The following GPHN variants were observed in gnomAD, a reference collection of about 807,000 sequenced individuals.
GPHN encodes the protein gephyrin.
In GPHN, 17 loss-of-function variants were observed where a neutral mutation model predicts 95.5. That is an observed-to-expected ratio of 0.18 (90% CI 0.12 to 0.27). The LOEUF is 0.27. Among genes scored for constraint, GPHN ranks in the 10% least tolerant of loss-of-function variants. The pLI is 1.00. For missense variants in GPHN, 660 were observed against 978.1 expected, an observed-to-expected ratio of 0.67 and a Z score of 4.34; for synonymous variants, 320 against 322.5, an observed-to-expected ratio of 0.99 and a Z score of 0.08.
chr14:66,773,993 G>GTTTTTTT (rs1172451199), intron 2 of GPHN, among the ~76,000 whole-genome samples: 3 of 89,974 alleles, frequency 3.3e-5, no homozygotes, highest in African/African-American at 5.1e-5. Context: ...TATCTAGAAA[G>GTTTTTTT]TTTTTTTTTT....
the GPHN span, among the ~76,000 whole-genome samples, chr14:67,532,442 T>C: frequency 6.6e-6 from 1 of 152,172 alleles, no homozygotes; most frequent in Non-Finnish European, 1.5e-5. Flanking sequence ...CCTAGCCAAA[T>C]GTTGAGTTTT....
chr14:67,555,012 A>G, the GPHN span, among the ~76,000 whole-genome samples: 1 of 152,160 alleles, frequency 6.6e-6, no homozygotes, highest in Non-Finnish European at 1.5e-5. Flanking sequence ...TCCCAGGCTC[A>G]AGTGATCCGC....
chr14:67,110,484 T>C lies in GPHN; in HGVS notation c.1413+225T>C, dbSNP rs529214562. On this transcript the variant is annotated intron_variant, in intron 14 of 22. Transcript: ENST00000478722. ...TTACAGGAGGGGTTTCTATGATCAT[T>C]GCTGTTATAGCAGAATTTGAATCAT... Among the ~76,000 whole-genome samples, 75 of 152,342 alleles carry C rather than the reference T, an allele frequency of 4.9e-4. 1 individual carries two copies. Among genetic ancestry groups the C allele is most frequent in the Non-Finnish European group, 1.0e-3 (69 of 68,034 alleles).
chr14:66,833,885 T>C (rs2061683956), intron 4 of GPHN, among the ~76,000 whole-genome samples: 2 of 152,182 alleles, frequency 1.3e-5, no homozygotes, highest in South Asian at 4.1e-4. Flanking sequence ...TTAGCATTTG[T>C]ATAAAATTAC....
At chr14:67,284,560 A>C in the GPHN span, among the ~76,000 whole-genome samples, 311 of 131,758 alleles carry the variant, frequency 2.4e-3, 12 homozygotes, top group South Asian at 0.037. Context: ...AAAAAAAAAA[A>C]AAAAAAAAAA....
At chr14:67,493,441 A>C in the GPHN span, among the ~76,000 whole-genome samples, 2 of 152,208 alleles carry the variant, frequency 1.3e-5, no homozygotes, top group Non-Finnish European at 2.9e-5. Context: ...GGTCTGTGTT[A>C]GGGATAAAAA....
chr14:67,090,748 C>T (rs1055068788), intron 12 of GPHN, among the ~76,000 whole-genome samples: 5 of 152,064 alleles, frequency 3.3e-5, no homozygotes, highest in East Asian at 1.9e-4. Flanking sequence ...ATTAAGGCTA[C>T]AGGCATTGAG....
intron 4 of GPHN, among the ~76,000 whole-genome samples, chr14:66,850,488 G>A (rs1007731971): frequency 1.9e-4 from 29 of 152,154 alleles, no homozygotes; most frequent in South Asian, 1.9e-3. Context: ...GATTTTTGGT[G>A]AGTGAATTAA....
the GPHN span, among the ~76,000 whole-genome samples, chr14:67,219,176 A>G: frequency 6.6e-6 from 1 of 152,176 alleles, no homozygotes; most frequent in Non-Finnish European, 1.5e-5. Flanking sequence ...AGCAACTCCC[A>G]AAACTAGGCT....
the GPHN span, chr14:67,620,154 G>A: frequency 8.2e-7 from 1 of 1,213,008 alleles, no homozygotes; most frequent in Admixed American, 2.5e-5. Flanking sequence ...AGACAGCGGC[G>A]GTAGGGTGCG....
chr14:67,576,407 T>C, the GPHN span: 1 of 1,602,462 alleles, frequency 6.2e-7, no homozygotes, highest in Non-Finnish European at 8.5e-7. This position sits in a 1 kb window ranked among gnomAD's most constrained non-coding sequence, Gnocchi z 4.0. Context: ...TACGTGGCTC[T>C]ACCACCTCAC....
At chr14:67,064,261 C>A (rs891308113) in intron 11 of GPHN, among the ~76,000 whole-genome samples, 16 of 152,124 alleles carry the variant, frequency 1.1e-4, no homozygotes, top group Admixed American at 9.2e-4. Context: ...TTTGAACCAG[C>A]CTTTCATCTC....
At chr14:67,330,360 A>C in the GPHN span, among the ~76,000 whole-genome samples, 6 of 151,838 alleles carry the variant, frequency 4.0e-5, no homozygotes, top group Admixed American at 3.9e-4. Flanking sequence ...TGAAATTATA[A>C]ATTTCCCTCG....
intron 1 of GPHN, among the ~76,000 whole-genome samples, chr14:66,665,671 C>A (rs939777385): frequency 1.3e-5 from 2 of 152,170 alleles, no homozygotes; most frequent in Non-Finnish European, 1.5e-5. Flanking sequence ...ACTAGTTCAA[C>A]CATTGTGGAA....
chr14:66,978,695 T>C (rs1211998675), intron 9 of GPHN, among the ~76,000 whole-genome samples: 1 of 152,214 alleles, frequency 6.6e-6, no homozygotes, highest in Non-Finnish European at 1.5e-5. Flanking sequence ...TTCCAACTCC[T>C]ATTAATGTTG....
At chr14:66,557,401 CATT>C (rs1296609008) in intron 1 of GPHN, among the ~76,000 whole-genome samples, 10 of 152,120 alleles carry the variant, frequency 6.6e-5, no homozygotes, top group East Asian at 3.9e-4. Flanking sequence ...AAAGACCAGT[CATT>C]ATGAATTTAA....
At chr14:67,483,997 G>T in the GPHN span, among the ~76,000 whole-genome samples, 2 of 152,290 alleles carry the variant, frequency 1.3e-5, no homozygotes, top group East Asian at 3.9e-4. Flanking sequence ...CCTGCACGGG[G>T]GACTGGCAGG....
intron 2 of GPHN, among the ~76,000 whole-genome samples, chr14:66,715,703 AT>A (rs945820823): frequency 7.2e-5 from 11 of 152,208 alleles, no homozygotes; most frequent in African/African-American, 2.6e-4. Context: ...AGTTCAAATA[AT>A]TTTTAAATTT....
chr14:66,988,770 AG>A (rs2071198575), intron 9 of GPHN, among the ~76,000 whole-genome samples: 1 of 152,070 alleles, frequency 6.6e-6, no homozygotes, highest in African/African-American at 2.4e-5. Flanking sequence ...AAGATTTTCA[AG>A]AAAAATCTCT....
Sources: allele counts gnomAD v4.1 joint callset (sites outside exome capture counted in the v4.1 genomes callset), GRCh38; gene constraint gnomAD v4.1.1; non-coding constraint Gnocchi (gnomAD v3.1); transcripts MANE v1.5; gene names NCBI Gene and HGNC (gene_info 2026-07-23, HGNC 2026-07-21).